The following CALN1 variants were observed in gnomAD, a reference collection of about 807,000 sequenced individuals.
The protein encoded by CALN1 is calcium-binding protein 8.
In CALN1, 17 loss-of-function variants were observed where a neutral mutation model predicts 30.6. The observed-to-expected ratio is 0.56, with a 90% CI of 0.38 to 0.83. CALN1 has a LOEUF of 0.83. CALN1 is among the 40% of genes least tolerant of loss of function. The pLI is 0.00. For missense variants in CALN1, 291 were observed against 354.9 expected (o/e 0.82, Z 1.45); for synonymous variants, 156 against 131.4 (o/e 1.19, Z -1.28).
chr7:72,216,058 C>T (rs1174037117), intron 3 of CALN1, among the ~76,000 whole-genome samples: 2 of 152,114 alleles, frequency 1.3e-5, no homozygotes, highest in Admixed American at 1.3e-4. Flanking sequence ...CACCAATAAA[C>T]CTTGCACACT....
At chr7:71,970,821 C>T (rs1797757335) in intron 5 of CALN1, among the ~76,000 whole-genome samples, 1 of 152,198 alleles carries the variant, frequency 6.6e-6, no homozygotes, top group Non-Finnish European at 1.5e-5. Context: ...GGCCCAGTTA[C>T]TGCCAAATGG....
At chr7:72,186,974 TTA>T (rs1790249341) in intron 3 of CALN1, among the ~76,000 whole-genome samples, 1 of 151,326 alleles carries the variant, frequency 6.6e-6, no homozygotes, top group South Asian at 2.1e-4. Context: ...TAAGATGATA[TTA>T]TGAGTCCCCA....
At chr7:72,474,784 C>T in the CALN1 span, among the ~76,000 whole-genome samples, 7 of 152,074 alleles carry the variant, frequency 4.6e-5, no homozygotes, top group African/African-American at 1.2e-4. Context: ...GAGTTGAGAC[C>T]GTCTCCCTCC....
chr7:71,886,046 G>A lies in CALN1; in HGVS notation c.502-75554C>T, dbSNP rs1242443495. Among the ~76,000 whole-genome samples, 5 of 152,358 alleles carry A rather than the reference G, an allele frequency of 3.3e-5. No individual in the cohort carries two copies. In the East Asian group the frequency reaches 7.7e-4, roughly 24 times the overall value. ...TGGCAGAAGAAAGTTAATCTGAGGG[G>A]TCTAGAGAAGATAGCTGGCTGAAAA... On this transcript the variant is annotated intron_variant, in intron 5 of 6. Coordinates refer to ENST00000395275, the MANE Select transcript of CALN1 (RefSeq NM_031468.4).
chr7:72,397,354 G>A (rs1177493826), intron 2 of CALN1, among the ~76,000 whole-genome samples: 1 of 152,152 alleles, frequency 6.6e-6, no homozygotes, highest in Non-Finnish European at 1.5e-5. Flanking sequence ...CAAGATCAAG[G>A]TTGAGGCCAC....
intron 3 of CALN1, among the ~76,000 whole-genome samples, chr7:72,232,894 T>C (rs778521637): frequency 6.6e-6 from 1 of 152,220 alleles, no homozygotes; most frequent in South Asian, 2.1e-4. Flanking sequence ...CTATCTATAT[T>C]GGGTATAGTG....
At chr7:72,118,990 C>T (rs965745994) in intron 3 of CALN1, among the ~76,000 whole-genome samples, 1 of 152,060 alleles carries the variant, frequency 6.6e-6, no homozygotes, top group Admixed American at 6.5e-5. Flanking sequence ...ACGTTGTGAT[C>T]TTATTTTAGT....
chr7:72,182,710 ACT>A lies in CALN1; in HGVS notation c.245-76418_245-76417del, dbSNP rs1789901633. 8.0e-5 allele frequency among the ~76,000 whole-genome samples: 12 copies of A among 149,554 alleles called. 1 individual carries two copies. In the South Asian group the frequency reaches 2.6e-3, roughly 32 times the overall value. ...ACTCCAGCCTGAATTACAGAGTGAG[ACT>A]CTGTCTCCAACAAAACAAAAAATGA... On this transcript the variant is annotated intron_variant, in intron 3 of 6. Transcript: ENST00000395275.
At chr7:72,090,754 G>A (rs1805801560) in intron 4 of CALN1, among the ~76,000 whole-genome samples, 1 of 152,140 alleles carries the variant, frequency 6.6e-6, no homozygotes, top group African/African-American at 2.4e-5. Context: ...TAAAAGGAAG[G>A]AAATCCTTTT....
In CALN1 at chr7:72,191,214, A is replaced by G. The variant is rs569879329; in HGVS notation, c.245-84920T>C. ...GACTGACAGCCTAGAGGAATTGGCA[A>G]CTTCAAAGCCTTTGGATCCTACAAG... On this transcript the variant is annotated intron_variant, in intron 3 of 6. Coordinates refer to ENST00000395275, the MANE Select transcript of CALN1 (RefSeq NM_031468.4). Among the ~76,000 whole-genome samples the G allele has an allele frequency of 2.6e-5, 4 of 152,340 alleles. No homozygotes were observed. In the East Asian group the frequency reaches 7.7e-4, roughly 29 times the overall value.
At chr7:72,295,332 T>A (rs926118459) in intron 2 of CALN1, among the ~76,000 whole-genome samples, 2 of 152,214 alleles carry the variant, frequency 1.3e-5, no homozygotes, top group Non-Finnish European at 2.9e-5. Context: ...TTATTTTTTT[T>A]AAATCACAGA....
the CALN1 span, among the ~76,000 whole-genome samples, chr7:72,460,240 T>A: frequency 6.6e-6 from 1 of 152,126 alleles, no homozygotes; most frequent in African/African-American, 2.4e-5. Flanking sequence ...GGATCACATT[T>A]CAGCATGAGA....
chr7:72,088,251 T>C (rs1192859142), intron 4 of CALN1, among the ~76,000 whole-genome samples: 2 of 152,094 alleles, frequency 1.3e-5, no homozygotes, highest in Non-Finnish European at 2.9e-5. Flanking sequence ...AACACACAGA[T>C]GAATATGAAC....
At chr7:72,026,231 G>T (rs1487765154) in intron 4 of CALN1, among the ~76,000 whole-genome samples, 2 of 152,136 alleles carry the variant, frequency 1.3e-5, no homozygotes, top group Non-Finnish European at 2.9e-5. Flanking sequence ...GATATAGACA[G>T]GAAGTACCAA....
At chr7:71,919,327 G>A (rs1253758056) in intron 5 of CALN1, among the ~76,000 whole-genome samples, 1 of 152,190 alleles carries the variant, frequency 6.6e-6, no homozygotes, top group Non-Finnish European at 1.5e-5. Context: ...CCACCAGCTG[G>A]CTCCAATCCA....
chr7:71,999,590 T>C (rs1027720179), intron 5 of CALN1, among the ~76,000 whole-genome samples: 1 of 151,900 alleles, frequency 6.6e-6, no homozygotes, highest in Non-Finnish European at 1.5e-5. Context: ...CTTGGCTCAC[T>C]TGCAACCTCT....
chr7:72,135,386 A>G (rs1809436875), intron 3 of CALN1, among the ~76,000 whole-genome samples: 1 of 152,168 alleles, frequency 6.6e-6, no homozygotes, highest in Non-Finnish European at 1.5e-5. Context: ...TAAGACTTGA[A>G]AGTTTAAATT....
At chr7:72,404,463 G>A (rs1256056980) in intron 1 of CALN1, among the ~76,000 whole-genome samples, 1 of 152,248 alleles carries the variant, frequency 6.6e-6, no homozygotes. Context: ...GAAGTTCAGA[G>A]AGTGTAAATG....
intron 5 of CALN1, among the ~76,000 whole-genome samples, chr7:71,912,306 C>A (rs970217897): frequency 9.2e-5 from 14 of 152,176 alleles, no homozygotes; most frequent in African/African-American, 3.1e-4. Flanking sequence ...TCAGCAAATT[C>A]TCAGTGGTCC....
Sources: allele counts gnomAD v4.1 joint callset (sites outside exome capture counted in the v4.1 genomes callset), GRCh38; gene constraint gnomAD v4.1.1; transcripts MANE v1.5; gene names NCBI Gene and HGNC (gene_info 2026-07-23, HGNC 2026-07-21).